ARHGEF3: variants seen among roughly 807,000 people sequenced by gnomAD.
ARHGEF3 encodes 59.8 kDA protein.
ARHGEF3 carries 28 observed loss-of-function variants against 63.2 expected under a neutral mutation model. That is an observed-to-expected ratio of 0.44 (90% confidence interval 0.33 to 0.61). ARHGEF3 has a LOEUF of 0.61. Among genes scored for constraint, ARHGEF3 ranks in the 20% least tolerant of loss-of-function variants. The pLI, the probability that ARHGEF3 is intolerant of heterozygous loss-of-function variation, is 0.03. For missense variants in ARHGEF3, 533 were observed against 659.3 expected (o/e 0.81, Z 2.10); for synonymous variants, 266 against 254.2 (o/e 1.05, Z -0.44).
chr3:57,019,237 G>A (rs1405694606), intron 2 of ARHGEF3, among the ~76,000 whole-genome samples: 1 of 152,198 alleles, frequency 6.6e-6, no homozygotes, highest in Non-Finnish European at 1.5e-5. Flanking sequence ...GTCTCAGGTA[G>A]ACCAGGGCAC....
chr3:56,766,111 A>C (rs565598826), intron 2 of ARHGEF3, among the ~76,000 whole-genome samples: 1 of 152,172 alleles, frequency 6.6e-6, no homozygotes, highest in East Asian at 1.9e-4. Flanking sequence ...TTCTTCCTCT[A>C]CTTGCTAATA....
intron 2 of ARHGEF3, among the ~76,000 whole-genome samples, chr3:56,992,699 G>A (rs1054103080): frequency 1.3e-5 from 2 of 152,212 alleles, no homozygotes; most frequent in Admixed American, 6.5e-5. Flanking sequence ...GTGAACATGA[G>A]CTGCTCAGTG....
At position 56,745,421 on chromosome 3, in the gene ARHGEF3, T is replaced by C; in HGVS notation, c.654A>G (p.Gln218=). The C allele has an allele frequency of 1.9e-6, 3 of 1,614,082 alleles. No homozygotes were observed. Among genetic ancestry groups the C allele is most frequent in the Non-Finnish European group, 8.5e-7 (1 of 1,180,024 alleles). ...LSSYDSYCSN[Q]VAAKALLDHK... is the part of the protein sequence containing the mutation. The stretch of plus-strand genomic sequence containing the variant: ...GGTCCAGCAGAGCTTTGGCGGCTAC[T>C]TGATTGCTGCAGTAGCTATCATAGG... Residue 218 remains glutamine, a synonymous_variant, in exon 7 of 10, where the codon CAA becomes CAG. Coordinates refer to ENST00000296315, the MANE Select transcript of ARHGEF3 (RefSeq NM_019555.3).
intron 4 of ARHGEF3, among the ~76,000 whole-genome samples, chr3:56,879,866 T>G (rs1165569161): frequency 6.6e-6 from 1 of 152,226 alleles, no homozygotes; most frequent in East Asian, 1.9e-4. Context: ...TTGTTGCCTT[T>G]ATGGCAAAAC....
intron 2 of ARHGEF3, among the ~76,000 whole-genome samples, chr3:57,013,062 G>T (rs1579086372): frequency 6.6e-6 from 1 of 152,162 alleles, no homozygotes; most frequent in Non-Finnish European, 1.5e-5. Context: ...CGGCCTGCCT[G>T]CGCCACACTC....
chr3:56,820,027 C>T (rs2038419784), intron 4 of ARHGEF3, among the ~76,000 whole-genome samples: 1 of 152,132 alleles, frequency 6.6e-6, no homozygotes, highest in South Asian at 2.1e-4. Flanking sequence ...CCAGGTTGGT[C>T]TCAAACTCCT....
intron 3 of ARHGEF3, among the ~76,000 whole-genome samples, chr3:56,897,990 C>T (rs796780092): frequency 1.8e-4 from 28 of 152,140 alleles, no homozygotes; most frequent in African/African-American, 6.8e-4. Context: ...ACTGATTCTC[C>T]CACCTTGGCC....
At chr3:56,858,489 A>C (rs2039960716) in intron 4 of ARHGEF3, among the ~76,000 whole-genome samples, 1 of 152,188 alleles carries the variant, frequency 6.6e-6, no homozygotes, top group South Asian at 2.1e-4. Flanking sequence ...GATGCTAGAG[A>C]TTATAACAAT....
At chr3:57,050,745 T>G (rs2107301664) in intron 1 of ARHGEF3, among the ~76,000 whole-genome samples, 1 of 152,320 alleles carries the variant, frequency 6.6e-6, no homozygotes, top group Non-Finnish European at 1.5e-5. Context: ...CTGTGGAGAC[T>G]CTTGAAAGCC....
intron 1 of ARHGEF3, among the ~76,000 whole-genome samples, chr3:57,057,646 A>G (rs1705002874): frequency 6.6e-6 from 1 of 152,160 alleles, no homozygotes; most frequent in Non-Finnish European, 1.5e-5. Context: ...TTTAAAATGT[A>G]AAAGTTTAAA....
intron 2 of ARHGEF3, among the ~76,000 whole-genome samples, chr3:57,033,056 GA>G (rs756522247): frequency 1.3e-5 from 2 of 152,144 alleles, no homozygotes; most frequent in Admixed American, 6.5e-5. Flanking sequence ...TACAACCACA[GA>G]AAGACACAAT....
chr3:57,002,483 A>ATATGTTATATATATATATATATATGT, intron 2 of ARHGEF3, among the ~76,000 whole-genome samples: 1 of 40,698 alleles, frequency 2.5e-5, no homozygotes, highest in African/African-American at 1.1e-4. Context: ...TATATGTTAT[A>ATATGTTATATATATATATATATATGT]TATATATATA....
intron 3 of ARHGEF3, among the ~76,000 whole-genome samples, chr3:56,899,211 A>G (rs2041423162): frequency 6.6e-6 from 1 of 152,248 alleles, no homozygotes; most frequent in Non-Finnish European, 1.5e-5. Context: ...GTAGAAGGAC[A>G]TAGAAAGTCA....
chr3:56,835,933 G>A (rs899187437), intron 4 of ARHGEF3, among the ~76,000 whole-genome samples: 21 of 152,162 alleles, frequency 1.4e-4, no homozygotes, highest in African/African-American at 4.8e-4. Flanking sequence ...GTCAAGAAAT[G>A]ACTTAAGTCT....
intron 3 of ARHGEF3, among the ~76,000 whole-genome samples, chr3:56,920,617 T>G (rs1444928863): frequency 6.6e-6 from 1 of 152,224 alleles, no homozygotes; most frequent in Admixed American, 6.5e-5. Context: ...CTTAATGTCT[T>G]TCTTATTTGT....
intron 6 of ARHGEF3, among the ~76,000 whole-genome samples, chr3:56,748,064 C>T (rs1041154805): frequency 6.6e-6 from 1 of 152,202 alleles, no homozygotes. Flanking sequence ...GAGATAGGGT[C>T]TCCCTTTGTT....
intron 2 of ARHGEF3, among the ~76,000 whole-genome samples, chr3:56,968,246 T>TTA: frequency 2.4e-5 from 1 of 41,296 alleles, no homozygotes; most frequent in African/African-American, 7.5e-5. Context: ...ATATATATAT[T>TTA]AATATATAAT....
chr3:56,893,070 G>A (rs1219067653), intron 3 of ARHGEF3, among the ~76,000 whole-genome samples: 1 of 152,220 alleles, frequency 6.6e-6, no homozygotes, highest in Non-Finnish European at 1.5e-5. Context: ...CAACCATTTG[G>A]TGTTGTCTAC....
intron 1 of ARHGEF3, among the ~76,000 whole-genome samples, chr3:57,072,134 G>A (rs2107405788): frequency 6.6e-6 from 1 of 152,308 alleles, no homozygotes; most frequent in East Asian, 1.9e-4. Flanking sequence ...AGTTGATGAA[G>A]ATGTGGAGAA....
Sources: gnomAD v4.1 joint callset for allele counts (sites outside exome capture counted in the v4.1 genomes callset) on GRCh38, gnomAD v4.1.1 for gene constraint, MANE v1.5 for transcripts, NCBI Gene and HGNC (gene_info 2026-07-23, HGNC 2026-07-21) for gene names.